The following HPSE2 variants were observed in gnomAD, a reference collection of about 807,000 sequenced individuals.
The protein encoded by HPSE2 is heparanase 2 (inactive).
In HPSE2, 38 loss-of-function variants were observed where a neutral mutation model predicts 60.5. The observed-to-expected ratio is 0.63, with a 90% CI of 0.48 to 0.82. The LOEUF (loss-of-function observed/expected upper bound fraction) is 0.82, where lower values mean the gene tolerates loss of function less well. HPSE2 is among the 40% of genes least tolerant of loss of function. The probability of loss-of-function intolerance (pLI) is 0.00; values close to 1 mark genes in which losing one functional copy is unlikely to be tolerated. For synonymous variants in HPSE2, 295 were observed against 293.2 expected, an observed-to-expected ratio of 1.01 and a Z score of -0.06; for missense variants, 713 against 740.4, an observed-to-expected ratio of 0.96 and a Z score of 0.43.
intron 3 of HPSE2, among the ~76,000 whole-genome samples, chr10:99,008,301 A>G (rs955789517): frequency 2.0e-5 from 3 of 152,218 alleles, no homozygotes; most frequent in Non-Finnish European, 2.9e-5. Context: ...TCTGGTTTTA[A>G]TAACTAATAC....
chr10:99,077,111 G>T (rs1842973877), intron 3 of HPSE2, among the ~76,000 whole-genome samples: 1 of 152,088 alleles, frequency 6.6e-6, no homozygotes, highest in Non-Finnish European at 1.5e-5. Context: ...ATGACAAATT[G>T]TTCTTCTCTT....
Position 98,986,981 on chromosome 10 carries a change from C to T in HPSE2, c.610+157257G>A, listed in dbSNP as rs909899769. On this transcript the variant is annotated intron_variant, in intron 3 of 11. Transcript: ENST00000370552. ...CTCTGAACAGACCAATAGCAGGCTC[C>T]GAAATCGAGGCAATAATTAACAGCC... Among the ~76,000 whole-genome samples, 24 of 152,030 alleles carry T rather than the reference C, an allele frequency of 1.6e-4. No individual in the cohort carries two copies. The East Asian group carries it at 2.1e-3, about 14-fold the overall frequency.
chr10:99,011,900 TCAAA>T (rs891024866), intron 3 of HPSE2, among the ~76,000 whole-genome samples: 3 of 151,982 alleles, frequency 2.0e-5, no homozygotes, highest in African/African-American at 4.8e-5. Flanking sequence ...TTTATAATTC[TCAAA>T]CAATGTATTT....
At chr10:99,198,144 T>C (rs1266317307) in intron 2 of HPSE2, among the ~76,000 whole-genome samples, 2 of 151,704 alleles carry the variant, frequency 1.3e-5, no homozygotes, top group East Asian at 3.9e-4. Context: ...TCTTGAGGAA[T>C]AAAAAACAAT....
At chr10:98,881,447 AGCAAGATGG>A (rs1365004092) in intron 3 of HPSE2, among the ~76,000 whole-genome samples, 1 of 152,122 alleles carries the variant, frequency 6.6e-6, no homozygotes, top group East Asian at 1.9e-4. Flanking sequence ...AATTAAATAT[AGCAAGATGG>A]GCCTAAATAC....
chr10:99,173,943 CAAAAA>C (rs61074165), intron 2 of HPSE2, among the ~76,000 whole-genome samples: 32 of 99,958 alleles, frequency 3.2e-4, no homozygotes, highest in Non-Finnish European at 5.4e-4. Flanking sequence ...GACTCTGTCT[CAAAAA>C]AAAAAAAAAA....
intron 3 of HPSE2, among the ~76,000 whole-genome samples, chr10:99,081,887 G>C (rs1974362): frequency 0.67 from 102,491 of 152,104 alleles, 37,854 homozygotes; most frequent in Non-Finnish European, 0.81. Context: ...CCGCCCGCCT[G>C]GGCCTCCCAA....
At chr10:98,497,107 A>G (rs1375902684) in intron 9 of HPSE2, among the ~76,000 whole-genome samples, 1 of 152,114 alleles carries the variant, frequency 6.6e-6, no homozygotes, top group Non-Finnish European at 1.5e-5. Context: ...TCTAGTAATT[A>G]TTTTAGTATC....
chr10:98,970,558 T>C (rs1955926641), intron 3 of HPSE2, among the ~76,000 whole-genome samples: 2 of 152,162 alleles, frequency 1.3e-5, no homozygotes, highest in Admixed American at 1.3e-4. Flanking sequence ...AATGATTCAA[T>C]AACACTGCTC....
chr10:98,785,598 T>C (rs1039503279), intron 3 of HPSE2, among the ~76,000 whole-genome samples: 18 of 139,494 alleles, frequency 1.3e-4, no homozygotes, highest in African/African-American at 4.6e-4. Context: ...TGGTAAACTA[T>C]TGATTATTGC....
chr10:98,836,969 C>G (rs543874241), intron 3 of HPSE2, among the ~76,000 whole-genome samples: 1 of 152,100 alleles, frequency 6.6e-6, no homozygotes, highest in Non-Finnish European at 1.5e-5. Context: ...AACTGGGACC[C>G]GGGAGGCAGA....
chr10:98,807,458 CT>C (rs1951069282), intron 3 of HPSE2, among the ~76,000 whole-genome samples: 1 of 152,202 alleles, frequency 6.6e-6, no homozygotes, highest in East Asian at 1.9e-4. Context: ...TCAGTTTCCT[CT>C]TCAGCAAAAT....
chr10:98,501,008 C>A (rs1056480021), intron 9 of HPSE2, among the ~76,000 whole-genome samples: 1 of 151,882 alleles, frequency 6.6e-6, no homozygotes, highest in African/African-American at 2.4e-5. Context: ...GAATTTGATA[C>A]CCTGAAGAGA....
At chr10:98,974,562 G>A (rs995091509) in intron 3 of HPSE2, among the ~76,000 whole-genome samples, 22 of 152,038 alleles carry the variant, frequency 1.4e-4, no homozygotes, top group Admixed American at 3.3e-4. Context: ...CACTGCACCC[G>A]GCCTAGTTTT....
intron 5 of HPSE2, among the ~76,000 whole-genome samples, chr10:98,716,730 T>G (rs925651489): frequency 6.6e-6 from 1 of 152,084 alleles, no homozygotes; most frequent in Non-Finnish European, 1.5e-5. Context: ...CTTAAAAAAT[T>G]AATTTCTTTT....
chr10:99,027,679 C>CACCACT (rs1957409374), intron 3 of HPSE2, among the ~76,000 whole-genome samples: 3 of 1,208 alleles, frequency 2.5e-3, no homozygotes, highest in Non-Finnish European at 0.012. Flanking sequence ...CCACCACTAC[C>CACCACT]ACCACCACCA....
At chr10:99,248,573 C>T in the HPSE2 span, among the ~76,000 whole-genome samples, 1 of 152,188 alleles carries the variant, frequency 6.6e-6, no homozygotes, top group Admixed American at 6.5e-5. Context: ...ATTTTGCAGC[C>T]TGGCCATGTG....
the HPSE2 span, among the ~76,000 whole-genome samples, chr10:99,296,302 A>G: frequency 6.6e-6 from 1 of 152,182 alleles, no homozygotes; most frequent in Non-Finnish European, 1.5e-5. Flanking sequence ...ATGCTGAACC[A>G]GATTGAGGAC....
At position 99,223,301 on chromosome 10, in the gene HPSE2, C is replaced by T. The variant is rs114889438; in HGVS notation, c.448+9047G>A. 9.1e-3 allele frequency among the ~76,000 whole-genome samples: 1,378 copies of T among 152,220 alleles called. 17 individuals are homozygous for T. The highest frequency in any genetic ancestry group is 0.031 in the African/African-American group (1,292 of 41,530). On this transcript the variant is annotated intron_variant, in intron 2 of 11. Coordinates refer to ENST00000370552, the MANE Select transcript of HPSE2 (RefSeq NM_021828.5). The stretch of plus-strand genomic sequence containing the variant: ...ATACTGCTTAAAACAGTACCTGGCA[C>T]ATAATAAGCATTCAATAACATTAAG...
Sources: allele counts gnomAD v4.1 joint callset (sites outside exome capture counted in the v4.1 genomes callset), GRCh38; gene constraint gnomAD v4.1.1; transcripts MANE v1.5; gene names NCBI Gene and HGNC (gene_info 2026-07-23, HGNC 2026-07-21).